DMRT1: variants seen among roughly 807,000 people sequenced by gnomAD.
DMRT1 encodes doublesex and mab-3 related transcription factor 1, also known as doublesex- and mab-3-related transcription factor 1.
DMRT1 carries 7 observed loss-of-function variants against 32.3 expected under a neutral mutation model. The ratio of observed to expected loss-of-function variants is 0.22; its 90% CI spans 0.12 to 0.41. The LOEUF (loss-of-function observed/expected upper bound fraction) is 0.41, where lower values mean the gene tolerates loss of function less well. DMRT1 is among the 10% of genes least tolerant of loss of function. The probability of loss-of-function intolerance (pLI) is 1.00; values close to 1 mark genes in which losing one functional copy is unlikely to be tolerated. For synonymous variants in DMRT1, 278 were observed against 206.1 expected, an observed-to-expected ratio of 1.35 and a Z score of -2.99; for missense variants, 625 against 500.5, an observed-to-expected ratio of 1.25 and a Z score of -2.37.
At position 841,895 on chromosome 9, in the gene DMRT1, C is replaced by T. The variant is rs777662116; in HGVS notation, c.57C>T (p.Ala19=). 4.3e-6 allele frequency: 7 copies of T among 1,611,646 alleles called. No individual in the cohort carries two copies. In the South Asian group the frequency reaches 6.6e-5, roughly 15 times the overall value. Residue 19 remains alanine (A), a synonymous_variant, in exon 1 of 5, where the codon GCC becomes GCT. Coordinates refer to ENST00000382276, the MANE Select transcript of DMRT1 (RefSeq NM_021951.3). ...CTACACCGTCGGAAGCCCCTCACGC[C>T]CCCGGGGTACCGCCGCAGGGCAGAG... ...KPSTPSEAPH[A]PGVPPQGRAG...
rs149303545 is a variant in DMRT1 at position 872,623 on chromosome 9, G to T, written c.539-21289G>T. On this transcript the variant is annotated intron_variant, in intron 2 of 4. Coordinates refer to ENST00000382276, the MANE Select transcript of DMRT1 (RefSeq NM_021951.3). The stretch of plus-strand genomic sequence containing the variant: ...CTTCTTCCACTTAGCATGTTTTTGA[G>T]GTTCATCCGTGTTGTAGCATGTTTC... 2.0e-5 allele frequency among the ~76,000 whole-genome samples: 3 copies of T among 152,214 alleles called. No homozygotes were observed. The East Asian group carries it at 5.8e-4, about 29-fold the overall frequency.
In DMRT1 at chr9:842,135, C is replaced by T. The variant is rs1285460949; in HGVS notation, c.297C>T (p.Asp99=). Residue 99 remains aspartate, a synonymous_variant, in exon 1 of 5, where the codon GAC becomes GAT. Transcript: ENST00000382276. ...KGHKRFCMWR[D]CQCKKCNLIA... is the part of the protein sequence containing the mutation. ...ACAAGCGCTTCTGCATGTGGCGCGA[C>T]TGCCAGTGCAAGAAGTGCAACCTGA... is the stretch of plus-strand genomic sequence containing the variant. 18 of 1,547,818 alleles carry T rather than the reference C, an allele frequency of 1.2e-5. No homozygotes were observed. Among genetic ancestry groups the T allele is most frequent in the Non-Finnish European group, 1.4e-5 (16 of 1,151,150 alleles).
At chr9:871,487 C>T (rs1310962581) in intron 2 of DMRT1, among the ~76,000 whole-genome samples, 1 of 149,176 alleles carries the variant, frequency 6.7e-6, no homozygotes, top group African/African-American at 2.5e-5. Flanking sequence ...CATGCGCCAC[C>T]ACGCCCGGCT....
chr9:905,065 G>A (rs1817720303), intron 3 of DMRT1, among the ~76,000 whole-genome samples: 1 of 152,250 alleles, frequency 6.6e-6, no homozygotes, highest in African/African-American at 2.4e-5. Context: ...GCAGGGTGGG[G>A]ACAAGTGTTT....
intron 3 of DMRT1, among the ~76,000 whole-genome samples, chr9:905,749 C>A (rs1817752977): frequency 6.6e-6 from 1 of 152,030 alleles, no homozygotes; most frequent in Non-Finnish European, 1.5e-5. Flanking sequence ...GTCTCCTATT[C>A]CATTTCATCC....
intron 2 of DMRT1, among the ~76,000 whole-genome samples, chr9:872,450 C>G (rs1413265709): frequency 6.6e-6 from 1 of 152,228 alleles, no homozygotes; most frequent in African/African-American, 2.4e-5. Flanking sequence ...CTCATACCAT[C>G]TCCAAAAAAC....
At chr9:884,752 T>C (rs1004934388) in intron 2 of DMRT1, among the ~76,000 whole-genome samples, 2 of 152,038 alleles carry the variant, frequency 1.3e-5, no homozygotes, top group Non-Finnish European at 2.9e-5. Flanking sequence ...AGGCAGATAT[T>C]TGAGGTCAGG....
At chr9:935,250 A>C (rs1818848233) in intron 4 of DMRT1, among the ~76,000 whole-genome samples, 1 of 152,240 alleles carries the variant, frequency 6.6e-6, no homozygotes, top group African/African-American at 2.4e-5. Context: ...TATATCCTCT[A>C]GTGTCCTATA....
chr9:934,330 G>C lies in DMRT1; in HGVS notation c.967+17423G>C, dbSNP rs181142966. Among the ~76,000 whole-genome samples, 137 of 152,250 alleles carry C rather than the reference G, an allele frequency of 9.0e-4. 1 individual carries two copies. Among genetic ancestry groups the C allele is most frequent in the Middle Eastern group, 3.4e-3 (1 of 294 alleles). ...TTTAATTTTTGATGAAGCCCAGTTT[G>C]TTTTGTTTCTTCTTCTGTTGCCTGT... On this transcript the variant is annotated intron_variant, in intron 4 of 4. Transcript: ENST00000382276.
rs549388736 is a variant in DMRT1, at chr9:953,806, A to T, written c.968-14179A>T. On this transcript the variant is annotated intron_variant, in intron 4 of 4. Coordinates refer to ENST00000382276, the MANE Select transcript of DMRT1 (RefSeq NM_021951.3). ...CTTTGTCTCATGACAGTGATCTTTC[A>T]TTTATTCATCAACTACTATTTGTTG... 4.6e-5 allele frequency among the ~76,000 whole-genome samples: 7 copies of T among 152,332 alleles called. No individual in the cohort carries two copies. The East Asian group carries it at 1.3e-3, about 29-fold the overall frequency.
chr9:921,426 G>A (rs112400724), intron 4 of DMRT1, among the ~76,000 whole-genome samples: 1,918 of 152,244 alleles, frequency 0.013, 39 homozygotes, highest in African/African-American at 0.043. Context: ...CACCTTTTGG[G>A]TAATGTGAAT....
At chr9:872,995 G>A (rs1425162251) in intron 2 of DMRT1, among the ~76,000 whole-genome samples, 1 of 152,194 alleles carries the variant, frequency 6.6e-6, no homozygotes. Context: ...GGATTCACAT[G>A]CCAGTGTCTT....
chr9:940,918 C>T (rs372884705), intron 4 of DMRT1, among the ~76,000 whole-genome samples: 39 of 152,222 alleles, frequency 2.6e-4, no homozygotes, highest in African/African-American at 8.7e-4. Context: ...ATAGTAATGG[C>T]TAATACGCAT....
chr9:881,743 A>G lies in DMRT1; in HGVS notation c.539-12169A>G, dbSNP rs139881238. Among the ~76,000 whole-genome samples the G allele has an allele frequency of 4.2e-3, 639 of 152,378 alleles. 3 individuals are homozygous for G. Among genetic ancestry groups the G allele is most frequent in the African/African-American group, 0.015 (621 of 41,578 alleles). ...AAGGTTCAAGAAGGGATTCTCTGTAAGACGGCTTTTAGAATGTAGCCTTGA... is the reference window on the plus strand; with the variant it reads ...AAGGTTCAAGAAGGGATTCTCTGTAGGACGGCTTTTAGAATGTAGCCTTGA... On this transcript the variant is annotated intron_variant, in intron 2 of 4. Transcript: ENST00000382276.
rs749484127 is a variant in DMRT1, at chr9:841,899, G to A, written c.61G>A (p.Gly21Arg). Residue 21 changes from glycine to arginine, a missense_variant, in exon 1 of 5, where the codon GGG becomes AGG. Around this residue, in one of 3 missense-constraint regions of DMRT1, gnomAD observed 201 missense variants for 152.0 expected, o/e 1.32. Transcript: ENST00000382276. ...ACCGTCGGAAGCCCCTCACGCCCCC[G>A]GGGTACCGCCGCAGGGCAGAGCCGG... ...STPSEAPHAPGVPPQGRAGGF... is the reference protein window; with the variant it reads ...STPSEAPHAPRVPPQGRAGGF... The A allele has an allele frequency of 3.7e-6, 6 of 1,611,440 alleles. No homozygotes were observed. The highest frequency in any genetic ancestry group is 1.7e-4 in the Middle Eastern group (1 of 5,992).
intron 4 of DMRT1, among the ~76,000 whole-genome samples, chr9:917,579 G>A (rs1818224312): frequency 6.6e-6 from 1 of 152,182 alleles, no homozygotes; most frequent in South Asian, 2.1e-4. Flanking sequence ...CTCTTTTGAT[G>A]TAGGAAAGTG....
At chr9:904,263 A>T (rs1000983159) in intron 3 of DMRT1, among the ~76,000 whole-genome samples, 4 of 152,160 alleles carry the variant, frequency 2.6e-5, no homozygotes, top group Non-Finnish European at 4.4e-5. Flanking sequence ...TTGCCCTTTT[A>T]GCTTACTTTT....
At chr9:896,548 C>T (rs1035790145) in intron 3 of DMRT1, among the ~76,000 whole-genome samples, 2 of 152,264 alleles carry the variant, frequency 1.3e-5, no homozygotes, top group Middle Eastern at 3.4e-3. Flanking sequence ...GGTGCGGTGG[C>T]TCATGCCTGT....
intron 2 of DMRT1, among the ~76,000 whole-genome samples, chr9:879,831 C>T (rs144394265): frequency 6.6e-6 from 1 of 152,240 alleles, no homozygotes; most frequent in East Asian, 1.9e-4. Flanking sequence ...TAACATTATG[C>T]ATTGGTCATT....
Sources: gnomAD v4.1 joint callset for allele counts (sites outside exome capture counted in the v4.1 genomes callset) on GRCh38, gnomAD v4.1.1 for gene constraint, gnomAD v4.1.1 regional missense constraint, MANE v1.5 for transcripts, NCBI Gene and HGNC (gene_info 2026-07-23, HGNC 2026-07-21) for gene names.